Variants in INPP4B observed in about 807,000 individuals in gnomAD.
The protein encoded by INPP4B is inositol polyphosphate 4-phosphatase type II.
INPP4B carries 55 observed loss-of-function variants against 122.5 expected under a neutral mutation model. The ratio of observed to expected loss-of-function variants is 0.45; its 90% confidence interval spans 0.36 to 0.56. The LOEUF (loss-of-function observed/expected upper bound fraction) is 0.56. INPP4B is among the 20% of genes least tolerant of loss of function. The pLI, the probability that INPP4B is intolerant of heterozygous loss-of-function variation, is 0.00. For missense variants in INPP4B, 1,000 were observed against 1,097.7 expected (o/e 0.91, Z 1.26); for synonymous variants, 403 against 388.7 (o/e 1.04, Z -0.43).
chr4:142,833,413 A>G (rs535539116), intron 1 of INPP4B, among the ~76,000 whole-genome samples: 1 of 152,234 alleles, frequency 6.6e-6, no homozygotes, highest in South Asian at 2.1e-4. Context: ...ATAGTTTCTC[A>G]TAAATACAGG....
intron 2 of INPP4B, among the ~76,000 whole-genome samples, chr4:142,495,577 C>A (rs1385963450): frequency 6.6e-6 from 1 of 151,920 alleles, no homozygotes; most frequent in African/African-American, 2.4e-5. Flanking sequence ...CCTGTGGTTA[C>A]CTTGGATTCT....
chr4:142,137,412 G>C (rs375137650), intron 18 of INPP4B, among the ~76,000 whole-genome samples: 22 of 118,472 alleles, frequency 1.9e-4, no homozygotes, highest in South Asian at 7.2e-4. Context: ...TTAAACGTTA[G>C]ACCTAAAACC....
intron 2 of INPP4B, among the ~76,000 whole-genome samples, chr4:142,705,692 A>G (rs866686338): frequency 2.6e-5 from 4 of 152,110 alleles, no homozygotes; most frequent in Admixed American, 6.5e-5. Context: ...TCAACAATCT[A>G]TTAATGTCTC....
intron 18 of INPP4B, among the ~76,000 whole-genome samples, chr4:142,129,546 A>G (rs1800247100): frequency 6.6e-6 from 1 of 152,176 alleles, no homozygotes; most frequent in African/African-American, 2.4e-5. Context: ...GACCCTAGAC[A>G]TCTGCCCATA....
chr4:142,522,554 T>A (rs1459047175), intron 2 of INPP4B, among the ~76,000 whole-genome samples: 1 of 151,982 alleles, frequency 6.6e-6, no homozygotes, highest in Non-Finnish European at 1.5e-5. Flanking sequence ...TGGTACTGAG[T>A]TCCAATGCTA....
chr4:142,091,994 G>C lies in INPP4B; in HGVS notation c.2375-5738C>G, dbSNP rs551023012. ...GGATGCACCACACTCCCACTCTGAC[G>C]TCCATTTGTGTGATCCATACCCCTT... On this transcript the variant is annotated intron_variant, in intron 23 of 25. Coordinates refer to ENST00000262992, the MANE Select transcript of INPP4B (RefSeq NM_001101669.3). Among the ~76,000 whole-genome samples the C allele has an allele frequency of 1.2e-4, 18 of 152,234 alleles. No individual in the cohort carries two copies. In the South Asian group the frequency reaches 3.5e-3, roughly 30 times the overall value.
chr4:142,530,045 G>A (rs1193711893), intron 2 of INPP4B, among the ~76,000 whole-genome samples: 3 of 152,050 alleles, frequency 2.0e-5, no homozygotes, highest in Non-Finnish European at 4.4e-5. Context: ...AAGGAAAACC[G>A]TAAATGTTTA....
intron 2 of INPP4B, among the ~76,000 whole-genome samples, chr4:142,563,773 C>G (rs1730967035): frequency 6.6e-6 from 1 of 152,158 alleles, no homozygotes; most frequent in African/African-American, 2.4e-5. Context: ...CCCTCTCTCT[C>G]TTTCTGAGAA....
At chr4:142,536,899 C>T (rs770834032) in intron 2 of INPP4B, among the ~76,000 whole-genome samples, 18 of 152,090 alleles carry the variant, frequency 1.2e-4, no homozygotes, top group African/African-American at 2.2e-4. Context: ...CGGGTTCAAG[C>T]GATTCTTCTG....
At chr4:142,775,676 T>C (rs1319313446) in intron 1 of INPP4B, among the ~76,000 whole-genome samples, 1 of 152,044 alleles carries the variant, frequency 6.6e-6, no homozygotes, top group Non-Finnish European at 1.5e-5. Context: ...TGCTGTATAT[T>C]TTCTTTAGTG....
intron 2 of INPP4B, among the ~76,000 whole-genome samples, chr4:142,716,994 T>C (rs1304112795): frequency 6.6e-6 from 1 of 152,224 alleles, no homozygotes; most frequent in Non-Finnish European, 1.5e-5. Flanking sequence ...GGATAAATGG[T>C]TACTATGATC....
intron 2 of INPP4B, among the ~76,000 whole-genome samples, chr4:142,679,699 G>C (rs1758324046): frequency 6.6e-6 from 1 of 151,722 alleles, no homozygotes; most frequent in Non-Finnish European, 1.5e-5. Flanking sequence ...AGATCTATAA[G>C]ATGAAAAGTT....
intron 7 of INPP4B, among the ~76,000 whole-genome samples, chr4:142,336,947 C>T (rs1776825114): frequency 1.3e-5 from 2 of 152,208 alleles, no homozygotes; most frequent in Non-Finnish European, 2.9e-5. Flanking sequence ...CCACTAGAGA[C>T]AATCATTGTC....
intron 2 of INPP4B, among the ~76,000 whole-genome samples, chr4:142,611,727 G>T (rs1742581235): frequency 6.7e-6 from 1 of 148,826 alleles, no homozygotes; most frequent in African/African-American, 2.5e-5. Flanking sequence ...GGAGTGTGGT[G>T]GTGTGATCTC....
intron 15 of INPP4B, among the ~76,000 whole-genome samples, chr4:142,181,631 T>C: frequency 6.6e-6 from 1 of 152,106 alleles, no homozygotes; most frequent in East Asian, 1.9e-4. Context: ...GTTTGCTTAT[T>C]CATTCATTCA....
intron 2 of INPP4B, among the ~76,000 whole-genome samples, chr4:142,487,405 G>A (rs1470226060): frequency 6.6e-6 from 1 of 152,018 alleles, no homozygotes; most frequent in Non-Finnish European, 1.5e-5. Context: ...CCCTAACTTT[G>A]TTCTTCTTCA....
At chr4:142,680,103 C>A (rs908150367) in intron 2 of INPP4B, among the ~76,000 whole-genome samples, 5 of 151,928 alleles carry the variant, frequency 3.3e-5, no homozygotes, top group Admixed American at 2.0e-4. Context: ...TATAACATCA[C>A]CATGCATGAA....
intron 2 of INPP4B, among the ~76,000 whole-genome samples, chr4:142,628,091 G>T (rs1352415945): frequency 4.6e-5 from 7 of 151,656 alleles, no homozygotes; most frequent in Non-Finnish European, 1.0e-4. Flanking sequence ...AAATCATGCT[G>T]CTATAAAGAC....
At chr4:142,173,236 T>A (rs1826419006) in intron 16 of INPP4B, among the ~76,000 whole-genome samples, 1 of 151,902 alleles carries the variant, frequency 6.6e-6, no homozygotes. Flanking sequence ...TGCCTTCAAA[T>A]GAAGTGGCAT....
Sources: gnomAD v4.1 joint callset for allele counts (sites outside exome capture counted in the v4.1 genomes callset) on GRCh38, gnomAD v4.1.1 for gene constraint, MANE v1.5 for transcripts, NCBI Gene and HGNC (gene_info 2026-07-23, HGNC 2026-07-21) for gene names.